The following SOCS2 variants were observed in gnomAD, a reference collection of about 807,000 sequenced individuals.
SOCS2 encodes the protein CIS-2.
Under a neutral mutation model 18.6 loss-of-function variants are expected in SOCS2, and 10 were observed. That is an observed-to-expected ratio of 0.54 (90% CI 0.33 to 0.91). The LOEUF is 0.91. SOCS2 is among the 40% of genes least tolerant of loss of function. SOCS2 has a pLI of 0.02. For synonymous variants in SOCS2, 104 were observed against 104.0 expected (o/e 1.00, Z 0.00); for missense variants, 231 against 247.2 (o/e 0.93, Z 0.44).
chr12:93,588,873 C>T, the SOCS2 span, among the ~76,000 whole-genome samples: 2 of 152,090 alleles, frequency 1.3e-5, no homozygotes, highest in African/African-American at 4.8e-5. Context: ...CCACCCGCCT[C>T]GGCCTCCCAA....
the SOCS2 span, among the ~76,000 whole-genome samples, chr12:93,593,547 C>T: frequency 2.6e-5 from 4 of 152,054 alleles, no homozygotes; most frequent in African/African-American, 9.7e-5. Flanking sequence ...AGATATGTTT[C>T]AAAAAACATG....
the SOCS2 span, among the ~76,000 whole-genome samples, chr12:93,590,504 G>A: frequency 6.6e-6 from 1 of 151,414 alleles, no homozygotes; most frequent in Non-Finnish European, 1.5e-5. Flanking sequence ...ACTATTAAAA[G>A]TTAGCTTCCC....
intron 1 of SOCS2, 192 bp downstream of exon 1, chr12:93,573,228 T>A: frequency 1.4e-6 from 1 of 701,206 alleles, no homozygotes; most frequent in Non-Finnish European, 2.3e-6. Context: ...CTCCAGGGAC[T>A]CAGGCCTGGC....
At chr12:93,603,462 C>T in the SOCS2 span, among the ~76,000 whole-genome samples, 1 of 152,004 alleles carries the variant, frequency 6.6e-6, no homozygotes, top group Non-Finnish European at 1.5e-5. Context: ...CTACAGCCTA[C>T]GGTTTTGACC....
At chr12:93,619,230 T>G in the SOCS2 span, among the ~76,000 whole-genome samples, 1 of 152,238 alleles carries the variant, frequency 6.6e-6, no homozygotes, top group Admixed American at 6.5e-5. Context: ...CTGGGTAAGT[T>G]GCCCCGCTTC....
chr12:93,582,324 T>C (rs529936164), intron 1 of SOCS2, among the ~76,000 whole-genome samples: 1 of 152,270 alleles, frequency 6.6e-6, no homozygotes, highest in South Asian at 2.1e-4. Context: ...GAATTTATCC[T>C]GAGGGCAGTA....
At position 93,572,985 on chromosome 12, in the gene SOCS2, TC is replaced by T; in HGVS notation, c.92del (p.Pro31ArgfsTer23). 6.4e-7 allele frequency: 1 copy of T among 1,569,794 alleles called. No individual in the cohort carries two copies. The highest frequency in any genetic ancestry group is 1.2e-5 in the South Asian group (1 of 85,876). On this transcript the variant is annotated frameshift_variant, in exon 1 of 2. Transcript: ENST00000551556. LOFTEE classifies it high-confidence loss of function. The surrounding 1 kb of genome is among the most constrained non-coding windows in gnomAD (Gnocchi z 5.0). Reference sequence around the variant, plus strand: ...GACCGCGGGGTCGGCGGAGGAGCCATCCCCGCAGGCGGCGCGTCTGGCGAAG... The same window carrying T: ...GACCGCGGGGTCGGCGGAGGAGCCATCCCGCAGGCGGCGCGTCTGGCGAAG... The part of the protein sequence containing the change: ...WGTAGSAEEP[S>X]PQAARLAKAL...
chr12:93,573,182 G>T lies in SOCS2; in HGVS notation c.139+146G>T, dbSNP rs934918298. ...GGACCGCGGAGAGCACGCTCGCAGG[G>T]TCCTGGGTCCTTGGGAATGCGTAAG... On this transcript the variant is annotated intron_variant, in intron 1 of 1. Transcript: ENST00000551556. 25 of 1,053,912 alleles carry T rather than the reference G, an allele frequency of 2.4e-5. No individual in the cohort carries two copies. The African/African-American group carries it at 4.0e-4, about 17-fold the overall frequency. 65.3% of individuals were successfully genotyped at this position (1,053,912 alleles called of 1,614,324 possible). A position where few individuals can be genotyped will look rare whatever the true frequency, so the allele number is the denominator to read the frequency against.
chr12:93,601,104 C>CTT, the SOCS2 span, among the ~76,000 whole-genome samples: 3 of 41,896 alleles, frequency 7.2e-5, no homozygotes, highest in Admixed American at 3.4e-4. Flanking sequence ...ATCTCTCTCT[C>CTT]TCTCTTTTTT....
At chr12:93,623,390 G>A in the SOCS2 span, among the ~76,000 whole-genome samples, 1 of 151,942 alleles carries the variant, frequency 6.6e-6, no homozygotes, top group Non-Finnish European at 1.5e-5. Flanking sequence ...CAGTCTCAGG[G>A]AAGTTCTTTT....
At chr12:93,620,270 T>C in the SOCS2 span, among the ~76,000 whole-genome samples, 4 of 152,234 alleles carry the variant, frequency 2.6e-5, no homozygotes, top group African/African-American at 9.6e-5. Context: ...TTGTAAACAA[T>C]GTTTTGATGG....
chr12:93,595,359 T>C, the SOCS2 span, among the ~76,000 whole-genome samples: 3 of 152,212 alleles, frequency 2.0e-5, no homozygotes, highest in African/African-American at 7.2e-5. Context: ...GAAGATAAAT[T>C]GCAGATCCAG....
At chr12:93,585,303 G>A (rs1277508210), downstream of SOCS2, among the ~76,000 whole-genome samples, 1 of 152,110 alleles carries the variant, frequency 6.6e-6, no homozygotes, top group Non-Finnish European at 1.5e-5. Context: ...TAGCCACTCA[G>A]AACCAGGCTG....
chr12:93,617,618 A>G, the SOCS2 span, among the ~76,000 whole-genome samples: 1 of 152,152 alleles, frequency 6.6e-6, no homozygotes, highest in Admixed American at 6.5e-5. Context: ...CTTCCACTCT[A>G]AAGTGGCCAT....
At chr12:93,593,501 A>G in the SOCS2 span, among the ~76,000 whole-genome samples, 1 of 152,238 alleles carries the variant, frequency 6.6e-6, no homozygotes, top group Non-Finnish European at 1.5e-5. Context: ...TTAGATTTGT[A>G]TAGGTAAGAC....
At chr12:93,604,964 ATTT>A in the SOCS2 span, among the ~76,000 whole-genome samples, 1 of 142,690 alleles carries the variant, frequency 7.0e-6, no homozygotes. Context: ...GCCGGCCTGG[ATTT>A]TTTTTTTTTT....
Position 93,572,970 on chromosome 12 carries a change from T to A in SOCS2, c.73T>A (p.Ser25Thr). The A allele has an allele frequency of 6.4e-7, 1 of 1,563,188 alleles. No homozygotes were observed. The highest frequency in any genetic ancestry group is 8.7e-7 in the Non-Finnish European group (1 of 1,154,936). The change falls in exon 1 of 2, where the codon TCG (serine) becomes ACG (threonine). Residue 25 changes from serine (S) to threonine (T), a missense_variant. Physicochemically the swap from Ser to Thr is moderately conservative, Grantham distance 58. Transcript: ENST00000551556. The surrounding 1 kb of genome is among the most constrained non-coding windows in gnomAD (Gnocchi z 5.0). ...GTRSQWGTAGSAEEPSPQAAR... is the reference protein window; with the variant it reads ...GTRSQWGTAGTAEEPSPQAAR... ...GCGGAGCCAGTGGGGGACCGCGGGG[T>A]CGGCGGAGGAGCCATCCCCGCAGGC...
the SOCS2 span, among the ~76,000 whole-genome samples, chr12:93,591,380 G>A: frequency 1.3e-5 from 2 of 152,182 alleles, no homozygotes; most frequent in African/African-American, 4.8e-5. Context: ...ACTAGTTAAG[G>A]GAGAATGAAC....
chr12:93,599,592 T>C, the SOCS2 span, among the ~76,000 whole-genome samples: 3 of 152,256 alleles, frequency 2.0e-5, no homozygotes, highest in Non-Finnish European at 4.4e-5. Flanking sequence ...GGTTTGAATG[T>C]ATCCCCCAGA....
Sources: gnomAD v4.1 joint callset for allele counts (sites outside exome capture counted in the v4.1 genomes callset) on GRCh38, gnomAD v4.1.1 for gene constraint, Gnocchi (gnomAD v3.1) non-coding constraint, MANE v1.5 for transcripts, NCBI Gene and HGNC (gene_info 2026-07-23, HGNC 2026-07-21) for gene names.